PARP8: variants seen among roughly 807,000 people sequenced by gnomAD.
PARP8 encodes the protein protein mono-ADP-ribosyltransferase PARP8.
Under a neutral mutation model 124.1 loss-of-function variants are expected in PARP8, and 51 were observed. The observed-to-expected ratio is 0.41, with a 90% CI of 0.33 to 0.52. PARP8 has a LOEUF of 0.52. Among genes scored for constraint, PARP8 ranks in the 20% least tolerant of loss-of-function variants. PARP8 has a pLI of 0.21. For synonymous variants in PARP8, 391 were observed against 361.5 expected, an observed-to-expected ratio of 1.08 and a Z score of -0.93; for missense variants, 860 against 1,018.9, an observed-to-expected ratio of 0.84 and a Z score of 2.12.
chr5:50,714,748 T>A (rs1158397105), intron 2 of PARP8, among the ~76,000 whole-genome samples: 1 of 152,124 alleles, frequency 6.6e-6, no homozygotes, highest in African/African-American at 2.4e-5. Flanking sequence ...TCCAACTCTA[T>A]GTGCAGCCTT....
In PARP8 at chr5:50,709,922, G is replaced by GTA. The variant is rs200521595; in HGVS notation, c.147-40196_147-40195dup. Among the ~76,000 whole-genome samples, 711 of 93,868 alleles carry GTA rather than the reference G, an allele frequency of 7.6e-3. 7 individuals carry two copies. Among genetic ancestry groups the GTA allele is most frequent in the African/African-American group, 0.022 (534 of 24,804 alleles). 61.6% of individuals were successfully genotyped at this position (93,868 alleles called of 152,430 possible). On this transcript the variant is annotated intron_variant, in intron 2 of 25. Coordinates refer to ENST00000281631, the MANE Select transcript of PARP8 (RefSeq NM_024615.4). Reference sequence around the variant, plus strand: ...TATGAGAATATGAGGTAGAAAGAGTGTATATATATATATATATATATATAT... The same window carrying GTA: ...TATGAGAATATGAGGTAGAAAGAGTGTATATATATATATATATATATATATAT...
chr5:50,725,999 C>T (rs929080667), intron 2 of PARP8, among the ~76,000 whole-genome samples: 1 of 152,120 alleles, frequency 6.6e-6, no homozygotes. Context: ...GTTATGCTAC[C>T]TACTCCTATG....
intron 8 of PARP8, 101 bp from the exon 9 acceptor site, chr5:50,778,459 A>G: frequency 2.2e-6 from 2 of 924,536 alleles, no homozygotes; most frequent in South Asian, 1.6e-5. Flanking sequence ...CCTTCATGTT[A>G]TATGCATTTT....
At chr5:50,668,640 CTT>C in intron 2 of PARP8, 1 of 152,636 alleles carries the variant, frequency 6.6e-6, no homozygotes, top group East Asian at 1.9e-4. Context: ...AAATTGGAGA[CTT>C]ATATGTAGCT....
chr5:50,744,605 T>C lies in PARP8; in HGVS notation c.147-5546T>C, dbSNP rs1758357792. On this transcript the variant is annotated intron_variant, in intron 2 of 25. Coordinates refer to ENST00000281631, the MANE Select transcript of PARP8 (RefSeq NM_024615.4). The stretch of plus-strand genomic sequence containing the variant: ...AAGTTGTGACTTTAAGAACCATGCA[T>C]CACACTGTTCATATAATATATACCA... 8 of 572,824 alleles carry C rather than the reference T, an allele frequency of 1.4e-5. No homozygotes were observed. In the East Asian group the frequency reaches 2.2e-4, roughly 16 times the overall value. The allele number at this position is 572,824 out of a possible 1,614,324, so 35.5% of individuals were successfully genotyped here.
chr5:50,735,566 G>GTTAATTAA (rs1757387491), intron 2 of PARP8, among the ~76,000 whole-genome samples: 1 of 152,082 alleles, frequency 6.6e-6, no homozygotes, highest in East Asian at 1.9e-4. Context: ...TTGGATTCAG[G>GTTAATTAA]TTGTTTATCT....
At position 50,821,334 on chromosome 5, in the gene PARP8, C is replaced by G; in HGVS notation, c.1790C>G (p.Pro597Arg). The G allele has an allele frequency of 6.2e-7, 1 of 1,613,882 alleles. No homozygotes were observed. The highest frequency in any genetic ancestry group is 8.5e-7 in the Non-Finnish European group (1 of 1,179,884). ...PNDPQMLAFN[P>R]RKKNYDRVMK... ...GATCCTCAGATGTTGGCCTTCAACC[C>G]CAGGGTAAGTTGTTATCATGGCACA... is the stretch of plus-strand genomic sequence containing the variant. The change falls in exon 16 of 26, where the codon CCC becomes CGC. Residue 597 changes from proline (P) to arginine (R), a missense_variant. By Grantham distance (103) the Pro-to-Arg change is moderately radical. Transcript: ENST00000281631.
chr5:50,792,219 A>T (rs374446859), intron 10 of PARP8, among the ~76,000 whole-genome samples: 24 of 152,264 alleles, frequency 1.6e-4, no homozygotes, highest in African/African-American at 5.5e-4. Flanking sequence ...CACAAACTCA[A>T]ATGTAAATAC....
chr5:50,704,181 G>A (rs1753887463), intron 2 of PARP8, among the ~76,000 whole-genome samples: 1 of 151,996 alleles, frequency 6.6e-6, no homozygotes, highest in Non-Finnish European at 1.5e-5. Context: ...TTTACCCTTT[G>A]AAACTTGAGG....
chr5:50,745,835 A>G (rs1758479884), intron 2 of PARP8, among the ~76,000 whole-genome samples: 1 of 152,202 alleles, frequency 6.6e-6, no homozygotes, highest in South Asian at 2.1e-4. Context: ...ATTCGACAGT[A>G]TAAAGGAATG....
At chr5:50,693,192 C>T (rs1752676104) in intron 2 of PARP8, among the ~76,000 whole-genome samples, 1 of 152,154 alleles carries the variant, frequency 6.6e-6, no homozygotes, top group Non-Finnish European at 1.5e-5. Flanking sequence ...ATTCCCCTAC[C>T]AATTTTTAAA....
At chr5:50,817,409 A>G (rs1006732810) in intron 15 of PARP8, among the ~76,000 whole-genome samples, 2 of 152,162 alleles carry the variant, frequency 1.3e-5, no homozygotes, top group Non-Finnish European at 2.9e-5. Flanking sequence ...TCATAATCCT[A>G]ACGATTACAG....
chr5:50,828,804 G>A (rs1212556474), intron 21 of PARP8, among the ~76,000 whole-genome samples: 1 of 151,568 alleles, frequency 6.6e-6, no homozygotes, highest in African/African-American at 2.4e-5. Flanking sequence ...AGAATAATTT[G>A]AACCCGGGAG....
At position 50,796,962 on chromosome 5, in the gene PARP8, T is replaced by G; in HGVS notation, c.1429-20T>G. 6.3e-7 allele frequency: 1 copy of G among 1,596,250 alleles called. No individual in the cohort carries two copies. The highest frequency in any genetic ancestry group is 8.5e-7 in the Non-Finnish European group (1 of 1,172,180). On this transcript the variant is annotated intron_variant, in intron 12 of 25. Transcript: ENST00000281631. ...TACATTTAAAAAAATTATCATTTTT[T>G]TTTACTTTGCTTTTTATAGCCAAAT...
At chr5:50,697,464 A>G (rs1753155626) in intron 2 of PARP8, among the ~76,000 whole-genome samples, 2 of 152,230 alleles carry the variant, frequency 1.3e-5, no homozygotes, top group Admixed American at 1.3e-4. Context: ...TAAAAGGCTT[A>G]TCAATTTCAG....
chr5:50,667,519 A>G (rs1749445129), intron 1 of PARP8: 1 of 697,174 alleles, frequency 1.4e-6, no homozygotes, highest in South Asian at 1.5e-5. Flanking sequence ...GGGTTCCAGC[A>G]GCGGCGGCAG....
intron 14 of PARP8, among the ~76,000 whole-genome samples, chr5:50,808,783 A>C (rs1744134096): frequency 6.6e-6 from 1 of 152,038 alleles, no homozygotes; most frequent in African/African-American, 2.4e-5. Flanking sequence ...CATTCCCATG[A>C]AAATTGATGA....
At chr5:50,690,305 A>G (rs1390008700) in intron 2 of PARP8, among the ~76,000 whole-genome samples, 1 of 152,220 alleles carries the variant, frequency 6.6e-6, no homozygotes, top group Non-Finnish European at 1.5e-5. Flanking sequence ...AGGTAGAGGA[A>G]TTAGAGAACT....
At chr5:50,726,255 A>G (rs1449412010) in intron 2 of PARP8, among the ~76,000 whole-genome samples, 2 of 152,142 alleles carry the variant, frequency 1.3e-5, no homozygotes, top group African/African-American at 4.8e-5. Flanking sequence ...CGACTATACA[A>G]TAACAGTGAA....
Sources: allele counts gnomAD v4.1 joint callset (sites outside exome capture counted in the v4.1 genomes callset), GRCh38; gene constraint gnomAD v4.1.1; transcripts MANE v1.5; gene names NCBI Gene and HGNC (gene_info 2026-07-23, HGNC 2026-07-21).